PCDHA3: variants seen among roughly 807,000 people sequenced by gnomAD.
The protein encoded by PCDHA3 is protocadherin alpha-3.
Under a neutral mutation model 62.2 loss-of-function variants are expected in PCDHA3, and 41 were observed. That is an observed-to-expected ratio of 0.66 (90% CI 0.51 to 0.86). The LOEUF is 0.86. PCDHA3 is among the 40% of genes least tolerant of loss of function. The pLI is 0.00. For synonymous variants in PCDHA3, 640 were observed against 555.4 expected, an observed-to-expected ratio of 1.15 and a Z score of -2.14; for missense variants, 1,304 against 1,241.2, an observed-to-expected ratio of 1.05 and a Z score of -0.76.
chr5:140,803,080 C>A lies in PCDHA3; in HGVS notation c.1883C>A (p.Thr628Lys). The change falls in exon 1 of 4, where the codon ACG (threonine) becomes AAG (lysine). Residue 628 changes from threonine (T) to lysine (K), a missense_variant. Physicochemically the swap from Thr to Lys is moderately conservative, Grantham distance 78. Coordinates refer to ENST00000522353, the MANE Select transcript of PCDHA3 (RefSeq NM_018906.3). ...ARIPFRVGLY[T>K]GEISTTRALD... ...ATCCCGTTTCGCGTGGGGCTGTACACGGGAGAGATCAGCACGACCCGTGCC... is the reference window on the plus strand; with the variant it reads ...ATCCCGTTTCGCGTGGGGCTGTACAAGGGAGAGATCAGCACGACCCGTGCC... 2 of 1,613,930 alleles carry A rather than the reference C, an allele frequency of 1.2e-6. No individual in the cohort carries two copies. Among genetic ancestry groups the A allele is most frequent in the Non-Finnish European group, 1.7e-6 (2 of 1,179,948 alleles).
intron 1 of PCDHA3, chr5:140,862,740 G>T (rs1302893031): frequency 8.7e-6 from 5 of 577,654 alleles, no homozygotes; most frequent in Non-Finnish European, 1.7e-5. Flanking sequence ...GCTATGTGTG[G>T]GTGCACGCGG....
chr5:140,867,399 A>G (rs1001723593), intron 1 of PCDHA3: 2 of 152,166 alleles, frequency 1.3e-5, no homozygotes, highest in Non-Finnish European at 2.9e-5. Context: ...AAAAGTTGAT[A>G]TGTCTCCTTT....
intron 1 of PCDHA3, chr5:140,805,366 C>T (rs1763552570): frequency 2.6e-6 from 3 of 1,160,808 alleles, no homozygotes; most frequent in South Asian, 5.5e-5. Flanking sequence ...TTTGGGTCCC[C>T]ACATAGTGAA....
intron 1 of PCDHA3, chr5:140,805,226 G>T: frequency 1.4e-6 from 2 of 1,394,074 alleles, no homozygotes; most frequent in Non-Finnish European, 1.9e-6. Context: ...TTTCTATTCT[G>T]CTGCATTCCC....
intron 1 of PCDHA3, chr5:140,841,406 G>A: frequency 6.2e-7 from 1 of 1,613,082 alleles, no homozygotes; most frequent in Non-Finnish European, 8.5e-7. Context: ...GGTGGGGAGC[G>A]GCCAGCTCCA....
chr5:140,888,324 T>C (rs1191192546), intron 1 of PCDHA3, among the ~76,000 whole-genome samples: 1 of 152,152 alleles, frequency 6.6e-6, no homozygotes, highest in East Asian at 1.9e-4. Flanking sequence ...CCTGGATACA[T>C]TTTTGGTTAT....
chr5:140,862,306 C>G (rs184682479), intron 1 of PCDHA3: 1 of 279,556 alleles, frequency 3.6e-6, no homozygotes, highest in East Asian at 8.6e-5. Context: ...CACTGGGTAC[C>G]GTCATAGCCC....
Position 140,852,234 on chromosome 5 carries a change from C to T in PCDHA3, c.2394+48643C>T, listed in dbSNP as rs2150513960. On this transcript the variant is annotated intron_variant, in intron 1 of 3. Coordinates refer to ENST00000522353, the MANE Select transcript of PCDHA3 (RefSeq NM_018906.3). The stretch of plus-strand genomic sequence containing the variant: ...AAAATATTTTAATTTTTAAATTTTC[C>T]CTTAAAACACACTTTTGGAATATGC... 9.0e-5 allele frequency: 51 copies of T among 567,386 alleles called. 1 individual carries two copies. In the East Asian group the frequency reaches 2.4e-3, roughly 26 times the overall value. 35.1% of individuals were successfully genotyped at this position (567,386 alleles called of 1,614,324 possible).
At chr5:141,001,607 A>G (rs1554258244) in intron 3 of PCDHA3, among the ~76,000 whole-genome samples, 1 of 152,078 alleles carries the variant, frequency 6.6e-6, no homozygotes, top group African/African-American at 2.4e-5. Flanking sequence ...AGGTTTGCCC[A>G]ATTCATAAAG....
intron 1 of PCDHA3, chr5:140,881,249 A>G (rs1582554645): frequency 2.3e-6 from 1 of 434,858 alleles, no homozygotes; most frequent in Non-Finnish European, 3.1e-6. Context: ...AATGACGGCA[A>G]GGTTTTACTC....
chr5:140,836,043 T>A (rs147222848), intron 1 of PCDHA3: 18 of 1,613,268 alleles, frequency 1.1e-5, no homozygotes, highest in Non-Finnish European at 1.5e-5. Flanking sequence ...GCTGCAGGTG[T>A]TCGTGCTGGA....
chr5:140,857,108 C>G (rs1562518295), intron 1 of PCDHA3: 2 of 1,597,858 alleles, frequency 1.3e-6, no homozygotes, highest in Non-Finnish European at 1.7e-6. Flanking sequence ...TGTCACTTCT[C>G]TGTCTCTCCC....
chr5:140,963,895 T>C (rs1331133094), intron 1 of PCDHA3, among the ~76,000 whole-genome samples: 2 of 152,224 alleles, frequency 1.3e-5, no homozygotes, highest in Non-Finnish European at 2.9e-5. Flanking sequence ...TTAATTAAAA[T>C]GAGTAAAGTG....
At chr5:140,914,962 T>C (rs1301307235) in intron 1 of PCDHA3, among the ~76,000 whole-genome samples, 2 of 136,964 alleles carry the variant, frequency 1.5e-5, no homozygotes, top group Non-Finnish European at 3.2e-5. Flanking sequence ...TTTTTTTTTT[T>C]CTGAGTCAGA....
At chr5:140,839,813 C>A (rs1776427171) in intron 1 of PCDHA3, among the ~76,000 whole-genome samples, 1 of 151,938 alleles carries the variant, frequency 6.6e-6, no homozygotes, top group Non-Finnish European at 1.5e-5. Context: ...TAATTGCCTA[C>A]TATGAAGGCA....
chr5:140,853,929 G>GATTGC, intron 1 of PCDHA3: 1 of 896,830 alleles, frequency 1.1e-6, no homozygotes, highest in Non-Finnish European at 1.4e-6. Context: ...AACATTTTGG[G>GATTGC]AGGCCAAGGT....
At position 141,010,091 on chromosome 5, in the gene PCDHA3, A is replaced by G; in HGVS notation, c.*154A>G. The G allele has an allele frequency of 6.2e-7, 1 of 1,612,860 alleles. No individual in the cohort carries two copies. The highest frequency in any genetic ancestry group is 8.5e-7 in the Non-Finnish European group (1 of 1,179,382). ...AGTTCCCTGTGTCTGTCTAGAACGCATTTAACAGGTTTTGTCGTAAAAGCT... is the reference window on the plus strand; with the variant it reads ...AGTTCCCTGTGTCTGTCTAGAACGCGTTTAACAGGTTTTGTCGTAAAAGCT... On this transcript the variant is annotated 3_prime_UTR_variant, in exon 4 of 4. Coordinates refer to ENST00000522353, the MANE Select transcript of PCDHA3 (RefSeq NM_018906.3).
chr5:140,919,706 C>T (rs2079272649), intron 1 of PCDHA3, among the ~76,000 whole-genome samples: 1 of 152,048 alleles, frequency 6.6e-6, no homozygotes, highest in African/African-American at 2.4e-5. Flanking sequence ...TAACTTAATT[C>T]TAGTGAGATA....
chr5:140,976,546 A>G (rs2096722070), intron 1 of PCDHA3, among the ~76,000 whole-genome samples: 1 of 152,086 alleles, frequency 6.6e-6, no homozygotes, highest in Non-Finnish European at 1.5e-5. Context: ...GTAAGACCCT[A>G]TCTCATAAAT....
Sources: allele counts gnomAD v4.1 joint callset (sites outside exome capture counted in the v4.1 genomes callset), GRCh38; gene constraint gnomAD v4.1.1; transcripts MANE v1.5; gene names NCBI Gene and HGNC (gene_info 2026-07-23, HGNC 2026-07-21).